Variants in ZMAT4 observed in about 807,000 individuals in gnomAD.
The protein encoded by ZMAT4 is zinc finger matrin-type protein 4.
In ZMAT4, 17 loss-of-function variants were observed where a neutral mutation model predicts 28.7. That is an observed-to-expected ratio of 0.59 (90% CI 0.41 to 0.89). The LOEUF is 0.89. Ranked by LOEUF, ZMAT4 falls within the 40% of genes least tolerant of loss-of-function variation. ZMAT4 has a pLI of 0.00. For missense variants in ZMAT4, 240 were observed against 283.8 expected, an observed-to-expected ratio of 0.85 and a Z score of 1.11; for synonymous variants, 117 against 109.2, an observed-to-expected ratio of 1.07 and a Z score of -0.44.
At chr8:40,584,513 G>C (rs1340991652) in intron 5 of ZMAT4, among the ~76,000 whole-genome samples, 3 of 152,044 alleles carry the variant, frequency 2.0e-5, no homozygotes, top group Non-Finnish European at 4.4e-5. Flanking sequence ...AAGTAGCAAA[G>C]GACTCTACTA....
intron 6 of ZMAT4, among the ~76,000 whole-genome samples, chr8:40,533,152 T>C (rs1802747670): frequency 1.3e-5 from 2 of 152,222 alleles, no homozygotes; most frequent in South Asian, 4.1e-4. Flanking sequence ...TTACTTTACA[T>C]TTTAATTTAA....
At chr8:40,779,220 C>A (rs953262944) in intron 2 of ZMAT4, among the ~76,000 whole-genome samples, 8 of 152,140 alleles carry the variant, frequency 5.3e-5, no homozygotes, top group African/African-American at 1.9e-4. Flanking sequence ...TTCTCTCTTG[C>A]CTGCCACCAT....
At chr8:40,690,900 T>C in intron 4 of ZMAT4, 3 of 961,238 alleles carry the variant, frequency 3.1e-6, no homozygotes, top group African/African-American at 1.8e-5. Context: ...ATGCAATGAA[T>C]GAGATCATTG....
At chr8:40,889,375 C>T (rs1043296805) in intron 1 of ZMAT4, among the ~76,000 whole-genome samples, 2 of 152,186 alleles carry the variant, frequency 1.3e-5, no homozygotes, top group African/African-American at 2.4e-5. Context: ...AACAGCATCG[C>T]ACCCAGCTTT....
At chr8:40,664,864 C>T (rs970088652) in intron 5 of ZMAT4, among the ~76,000 whole-genome samples, 9 of 152,204 alleles carry the variant, frequency 5.9e-5, no homozygotes, top group Admixed American at 3.3e-4. Flanking sequence ...AGCAGACCCA[C>T]AGCCTGAGTG....
At chr8:40,570,575 C>T (rs759906985) in intron 6 of ZMAT4, among the ~76,000 whole-genome samples, 2 of 152,012 alleles carry the variant, frequency 1.3e-5, no homozygotes, top group Non-Finnish European at 2.9e-5. Context: ...TGATGTGCGC[C>T]TGAAGTCCCA....
chr8:40,628,778 C>T (rs1457900109), intron 5 of ZMAT4, among the ~76,000 whole-genome samples: 2 of 152,164 alleles, frequency 1.3e-5, no homozygotes, highest in Admixed American at 6.5e-5. Flanking sequence ...TTACTTCCAA[C>T]ATCACTTCTG....
chr8:40,769,553 T>G (rs1204534882), intron 2 of ZMAT4, among the ~76,000 whole-genome samples: 1 of 152,184 alleles, frequency 6.6e-6, no homozygotes, highest in Non-Finnish European at 1.5e-5. Context: ...AGATGCTGAA[T>G]GTGGACAGAG....
chr8:40,675,994 A>T, intron 4 of ZMAT4, among the ~76,000 whole-genome samples: 1 of 152,204 alleles, frequency 6.6e-6, no homozygotes, highest in East Asian at 1.9e-4. Context: ...CAAACAAACA[A>T]AAAAGAGCCT....
chr8:40,847,317 G>T (rs1482892290), intron 1 of ZMAT4, among the ~76,000 whole-genome samples: 1 of 152,030 alleles, frequency 6.6e-6, no homozygotes, highest in Non-Finnish European at 1.5e-5. Context: ...CATATTTGCC[G>T]TTGATTACAC....
rs16889663 is a variant in ZMAT4 at position 40,600,879 on chromosome 8, C to T, written c.578-19618G>A. On this transcript the variant is annotated intron_variant, in intron 5 of 6. Transcript: ENST00000297737. ...CCTACTCTTAATTAATAGGAACCCA[C>T]TGGGCAGAAAATAAGCAACTTTTGT... is the stretch of plus-strand genomic sequence containing the variant. Among the ~76,000 whole-genome samples, 1,177 of 152,264 alleles carry T rather than the reference C, an allele frequency of 7.7e-3. 11 individuals carry two copies. The highest frequency in any genetic ancestry group is 0.027 in the African/African-American group (1,108 of 41,528).
At chr8:40,850,837 T>G (rs7831011) in intron 1 of ZMAT4, among the ~76,000 whole-genome samples, 14,801 of 152,254 alleles carry the variant, frequency 0.097, 812 homozygotes, top group Non-Finnish European at 0.12. Context: ...ACTTCTCAAG[T>G]TTTTTATTCT....
chr8:40,826,457 A>G (rs890888445), intron 1 of ZMAT4, among the ~76,000 whole-genome samples: 3 of 152,120 alleles, frequency 2.0e-5, no homozygotes, highest in African/African-American at 2.4e-5. Context: ...TGCTTTTGCA[A>G]TTTTCTTCAT....
chr8:40,739,296 C>T (rs1021437801), intron 3 of ZMAT4, among the ~76,000 whole-genome samples: 20 of 152,308 alleles, frequency 1.3e-4, no homozygotes, highest in South Asian at 1.0e-3. Context: ...TTAGACCCTT[C>T]TCGTAACTTT....
intron 1 of ZMAT4, among the ~76,000 whole-genome samples, chr8:40,832,949 A>G (rs1816340653): frequency 6.6e-6 from 1 of 152,136 alleles, no homozygotes; most frequent in Non-Finnish European, 1.5e-5. Context: ...TGAACCTTAA[A>G]CCCATATTTG....
intron 1 of ZMAT4, among the ~76,000 whole-genome samples, chr8:40,885,217 C>T (rs1462959755): frequency 3.9e-5 from 6 of 152,182 alleles, no homozygotes. Context: ...CTCACAATTT[C>T]TAATTTGCTC....
At position 40,749,444 on chromosome 8, in the gene ZMAT4, G is replaced by A. The variant is rs28722096; in HGVS notation, c.192+18197C>T. On this transcript the variant is annotated intron_variant, in intron 3 of 6. Coordinates refer to ENST00000297737, the MANE Select transcript of ZMAT4 (RefSeq NM_024645.3). ...AACTGGAGGCCCAACTTGACCCCAGGGGAGTTTTCAAAGCCTATGACCTCT... is the reference window on the plus strand; with the variant it reads ...AACTGGAGGCCCAACTTGACCCCAGAGGAGTTTTCAAAGCCTATGACCTCT... Among the ~76,000 whole-genome samples, 724 of 152,272 alleles carry A rather than the reference G, an allele frequency of 4.8e-3. 3 individuals are homozygous for A. Among genetic ancestry groups the A allele is most frequent in the African/African-American group, 0.017 (689 of 41,562 alleles).
chr8:40,659,774 A>G (rs1336829695), intron 5 of ZMAT4, among the ~76,000 whole-genome samples: 1 of 152,152 alleles, frequency 6.6e-6, no homozygotes, highest in Non-Finnish European at 1.5e-5. Context: ...GCCCAGAGAG[A>G]TGAAGCAACT....
chr8:40,887,170 CAA>C (rs35466634), intron 1 of ZMAT4, among the ~76,000 whole-genome samples: 19 of 61,982 alleles, frequency 3.1e-4, no homozygotes, highest in Admixed American at 5.2e-4. Context: ...GACTCCGTCT[CAA>C]AAAAAAAAAA....
Sources: gnomAD v4.1 joint callset for allele counts (sites outside exome capture counted in the v4.1 genomes callset) on GRCh38, gnomAD v4.1.1 for gene constraint, MANE v1.5 for transcripts, NCBI Gene and HGNC (gene_info 2026-07-23, HGNC 2026-07-21) for gene names.